The following MACROD2 variants were observed in gnomAD, a reference collection of about 807,000 sequenced individuals.
MACROD2 encodes the protein ADP-ribose glycohydrolase MACROD2.
MACROD2 carries 36 observed loss-of-function variants against 70.4 expected under a neutral mutation model. That is an observed-to-expected ratio of 0.51 (90% CI 0.39 to 0.68). MACROD2 has a LOEUF of 0.68. Ranked by LOEUF, MACROD2 falls within the 30% of genes least tolerant of loss-of-function variation. The pLI is 0.00. For synonymous variants in MACROD2, 172 were observed against 178.8 expected (o/e 0.96, Z 0.30); for missense variants, 496 against 538.4 (o/e 0.92, Z 0.78).
intron 8 of MACROD2, among the ~76,000 whole-genome samples, chr20:15,591,605 A>C (rs1431752199): frequency 6.6e-6 from 1 of 151,512 alleles, no homozygotes; most frequent in Non-Finnish European, 1.5e-5. Flanking sequence ...AAAAAAAAAA[A>C]AAAAAAAAAA....
intron 6 of MACROD2, among the ~76,000 whole-genome samples, chr20:15,302,165 C>A (rs1418838713): frequency 6.6e-6 from 1 of 152,224 alleles, no homozygotes; most frequent in Middle Eastern, 3.4e-3. Flanking sequence ...GAACATGTGG[C>A]GTCCTCATTG....
At chr20:14,200,319 A>G (rs2081468564) in intron 3 of MACROD2, among the ~76,000 whole-genome samples, 1 of 152,190 alleles carries the variant, frequency 6.6e-6, no homozygotes, top group African/African-American at 2.4e-5. Context: ...TGGGAGCTAA[A>G]TTATGAGAAC....
intron 3 of MACROD2, among the ~76,000 whole-genome samples, chr20:14,443,377 A>T (rs1008916783): frequency 6.6e-6 from 1 of 150,922 alleles, no homozygotes; most frequent in African/African-American, 2.4e-5. Flanking sequence ...GCTCACTGCA[A>T]CCACTGCCTC....
At chr20:15,295,753 A>G (rs919793834) in intron 6 of MACROD2, among the ~76,000 whole-genome samples, 1 of 152,148 alleles carries the variant, frequency 6.6e-6, no homozygotes, top group Non-Finnish European at 1.5e-5. Context: ...ATAAGGAAAA[A>G]GAAGTCAGGC....
chr20:15,803,837 A>G (rs1394459270), intron 8 of MACROD2, among the ~76,000 whole-genome samples: 1 of 152,234 alleles, frequency 6.6e-6, no homozygotes, highest in Non-Finnish European at 1.5e-5. Flanking sequence ...ACGAAAAACA[A>G]CAATAAAAAC....
Position 14,857,152 on chromosome 20 carries a change from C to G in MACROD2, c.418+172193C>G, listed in dbSNP as rs974935183. Among the ~76,000 whole-genome samples, 6 of 152,264 alleles carry G rather than the reference C, an allele frequency of 3.9e-5. No homozygotes were observed. The East Asian group carries it at 9.7e-4, about 25-fold the overall frequency. On this transcript the variant is annotated intron_variant, in intron 5 of 17. Transcript: ENST00000684519. Reference sequence around the variant, plus strand: ...TCCCCAATCCCATAAACCGTTATCCCTATTCTCTCTCTGTTCTCCAAGGCT... The same window carrying G: ...TCCCCAATCCCATAAACCGTTATCCGTATTCTCTCTCTGTTCTCCAAGGCT...
At chr20:15,291,281 T>C (rs1249960910) in intron 6 of MACROD2, among the ~76,000 whole-genome samples, 1 of 152,234 alleles carries the variant, frequency 6.6e-6, no homozygotes, top group Non-Finnish European at 1.5e-5. Context: ...GTTTCTCATC[T>C]GTAAAGTCTT....
chr20:14,684,533 T>C (rs1210423726), intron 4 of MACROD2, among the ~76,000 whole-genome samples: 3 of 152,146 alleles, frequency 2.0e-5, no homozygotes. Flanking sequence ...AAAGGAATTA[T>C]ACCACTGAAA....
chr20:14,700,522 GGTGTGTGTGTGTGTGTGT>G (rs149689043), intron 5 of MACROD2, among the ~76,000 whole-genome samples: 1 of 111,378 alleles, frequency 9.0e-6, no homozygotes, highest in Non-Finnish European at 2.1e-5. Context: ...GACATATGGT[GGTGTGTGTGTGTGTGTGT>G]GTGTGTGTGT....
intron 8 of MACROD2, 87 bp downstream of exon 8, chr20:15,499,934 A>G: frequency 2.4e-6 from 3 of 1,270,456 alleles, no homozygotes; most frequent in South Asian, 1.2e-5. Flanking sequence ...AATTTTATAA[A>G]TATCAACTAC....
intron 10 of MACROD2, among the ~76,000 whole-genome samples, chr20:15,923,290 C>T (rs978142150): frequency 1.3e-5 from 2 of 152,136 alleles, no homozygotes; most frequent in Non-Finnish European, 2.9e-5. Flanking sequence ...ACTCTTCTTC[C>T]ATGGCGGTGG....
At chr20:15,329,531 A>G (rs1490482281) in intron 6 of MACROD2, among the ~76,000 whole-genome samples, 1 of 152,112 alleles carries the variant, frequency 6.6e-6, no homozygotes, top group Admixed American at 6.6e-5. Context: ...TGAACCCAGG[A>G]GCTCAGGACC....
intron 6 of MACROD2, among the ~76,000 whole-genome samples, chr20:15,414,886 A>G (rs1299666627): frequency 1.3e-5 from 2 of 152,236 alleles, no homozygotes; most frequent in Non-Finnish European, 2.9e-5. Flanking sequence ...AGCCTGCCCC[A>G]GAGAAACGGA....
intron 8 of MACROD2, among the ~76,000 whole-genome samples, chr20:15,566,724 C>T (rs1480167777): frequency 6.6e-6 from 1 of 152,176 alleles, no homozygotes; most frequent in Non-Finnish European, 1.5e-5. Context: ...AGAAAACATC[C>T]TTCAGTTAAT....
At chr20:15,359,343 T>C (rs2078325331) in intron 6 of MACROD2, among the ~76,000 whole-genome samples, 1 of 152,040 alleles carries the variant, frequency 6.6e-6, no homozygotes, top group Non-Finnish European at 1.5e-5. Context: ...TTGGGAGATT[T>C]TTTAATTTTT....
At chr20:15,073,506 C>CAT (rs1239321719) in intron 5 of MACROD2, among the ~76,000 whole-genome samples, 4 of 146,748 alleles carry the variant, frequency 2.7e-5, no homozygotes, top group African/African-American at 1.0e-4. Context: ...CACACACACA[C>CAT]ACACGTACCA....
chr20:15,751,674 CTG>C (rs1018030274), intron 8 of MACROD2, among the ~76,000 whole-genome samples: 2 of 151,872 alleles, frequency 1.3e-5, no homozygotes, highest in African/African-American at 2.4e-5. Context: ...TAACAGAAAA[CTG>C]TAGCTTTGAA....
chr20:15,798,501 C>T (rs1051734976), intron 8 of MACROD2, among the ~76,000 whole-genome samples: 3 of 152,258 alleles, frequency 2.0e-5, no homozygotes, highest in Admixed American at 6.5e-5. Flanking sequence ...TGGACCTGCC[C>T]TGGAAAGTCA....
chr20:14,908,913 G>A (rs1214819936), intron 5 of MACROD2, among the ~76,000 whole-genome samples: 1 of 152,194 alleles, frequency 6.6e-6, no homozygotes, highest in Non-Finnish European at 1.5e-5. Context: ...TACTGAAGTA[G>A]TGATTTCAGA....
Sources: gnomAD v4.1 joint callset for allele counts (sites outside exome capture counted in the v4.1 genomes callset) on GRCh38, gnomAD v4.1.1 for gene constraint, MANE v1.5 for transcripts, NCBI Gene and HGNC (gene_info 2026-07-23, HGNC 2026-07-21) for gene names.